Variants in CRIM1 observed in about 807,000 individuals in gnomAD.
CRIM1 encodes the protein cysteine-rich motor neuron 1 protein.
A neutral mutation model predicts 116.4 loss-of-function variants in CRIM1; 32 were observed. The ratio of observed to expected loss-of-function variants is 0.27; its 90% CI spans 0.21 to 0.37. CRIM1 has a LOEUF of 0.37. CRIM1 is among the 10% of genes least tolerant of loss of function. The pLI is 1.00. For synonymous variants in CRIM1, 590 were observed against 509.2 expected (o/e 1.16, Z -2.13); for missense variants, 1,331 against 1,354.8 (o/e 0.98, Z 0.28).
rs56084308 is a variant in CRIM1, at chr2:36,474,847, C to CAAAAAAA, written c.992-2029_992-2023dup. ...TGGGTGACAGAGTGAGACTCTATAT[C>CAAAAAAA]AAAAAAAAAAAAAAAAAAAGACTTT... On this transcript the variant is annotated intron_variant, in intron 5 of 16. Transcript: ENST00000280527. 4.8e-4 allele frequency among the ~76,000 whole-genome samples: 44 copies of CAAAAAAA among 90,726 alleles called. 2 individuals carry two copies. The highest frequency in any genetic ancestry group is 1.8e-3 in the African/African-American group (40 of 22,622). 59.5% of individuals were successfully genotyped at this position (90,726 alleles called of 152,430 possible).
Position 36,426,340 on chromosome 2 carries a change from C to A in CRIM1, c.506-14918C>A, listed in dbSNP as rs1012399090. Among the ~76,000 whole-genome samples the A allele has an allele frequency of 1.1e-4, 17 of 152,064 alleles. 1 individual carries two copies. The highest frequency in any genetic ancestry group is 6.6e-5 in the Admixed American group (1 of 15,266). On this transcript the variant is annotated intron_variant, in intron 2 of 16. Transcript: ENST00000280527. ...TTGACTGAATTGCCTTTTTGAGTTA[C>A]AATCATTAATCTTGAAGGTCATTTG...
At position 36,416,405 on chromosome 2, in the gene CRIM1, A is replaced by C. The variant is rs145958437; in HGVS notation, c.505+19618A>C. Among the ~76,000 whole-genome samples, 437 of 152,318 alleles carry C rather than the reference A, an allele frequency of 2.9e-3. 1 individual carries two copies. Among genetic ancestry groups the C allele is most frequent in the African/African-American group, 0.01 (417 of 41,582 alleles). Reference sequence around the variant, plus strand: ...TTGTGAGGAGAGAGGTAGCATGTGAAGTTAAGACTAGAATGACCGGTTCCT... The same window carrying C: ...TTGTGAGGAGAGAGGTAGCATGTGACGTTAAGACTAGAATGACCGGTTCCT... On this transcript the variant is annotated intron_variant, in intron 2 of 16. Coordinates refer to ENST00000280527, the MANE Select transcript of CRIM1 (RefSeq NM_016441.3).
chr2:36,386,938 C>G (rs1671211051), intron 1 of CRIM1, among the ~76,000 whole-genome samples: 1 of 152,162 alleles, frequency 6.6e-6, no homozygotes, highest in Non-Finnish European at 1.5e-5. Context: ...ATGGGACATT[C>G]AGGCAATTCA....
At chr2:36,430,811 G>C (rs1270811718) in intron 2 of CRIM1, among the ~76,000 whole-genome samples, 1 of 152,236 alleles carries the variant, frequency 6.6e-6, no homozygotes, top group East Asian at 1.9e-4. Context: ...CTAAACACTG[G>C]GAGATCTTTG....
In CRIM1 at chr2:36,461,778, C is replaced by A. The variant is rs848535; in HGVS notation, c.870-2756C>A. Among the ~76,000 whole-genome samples, 595 of 152,246 alleles carry A rather than the reference C, an allele frequency of 3.9e-3. 19 individuals carry two copies. In the East Asian group the frequency reaches 0.088, roughly 22 times the overall value. ...TAAACATACCTGTTAAAAGATAACT[C>A]ATGTGAGTTGTATTATGTTGAAAAT... is the stretch of plus-strand genomic sequence containing the variant. On this transcript the variant is annotated intron_variant, in intron 4 of 16. Coordinates refer to ENST00000280527, the MANE Select transcript of CRIM1 (RefSeq NM_016441.3).
intron 1 of CRIM1, among the ~76,000 whole-genome samples, chr2:36,364,903 T>A (rs1476529464): frequency 1.3e-5 from 2 of 152,200 alleles, no homozygotes; most frequent in Non-Finnish European, 2.9e-5. Context: ...TTTAAAATAA[T>A]ATTAATTTTA....
At chr2:36,440,511 C>A (rs762644267) in intron 2 of CRIM1, among the ~76,000 whole-genome samples, 7 of 152,164 alleles carry the variant, frequency 4.6e-5, no homozygotes, top group Non-Finnish European at 8.8e-5. Flanking sequence ...TTTCAGAAGC[C>A]AGGGCTTTGC....
intron 4 of CRIM1, among the ~76,000 whole-genome samples, chr2:36,463,556 T>G (rs1445043757): frequency 6.6e-6 from 1 of 152,062 alleles, no homozygotes; most frequent in Non-Finnish European, 1.5e-5. Context: ...CCCATACATC[T>G]CTCCCCAGGG....
chr2:36,475,047 G>T (rs1480565425), intron 5 of CRIM1, among the ~76,000 whole-genome samples: 1 of 151,978 alleles, frequency 6.6e-6, no homozygotes, highest in Non-Finnish European at 1.5e-5. Context: ...CTCTAACTTT[G>T]TTCTCCCTTT....
At chr2:36,476,790 C>T in intron 5 of CRIM1, 99 bp from the exon 6 acceptor site, 1 of 904,624 alleles carries the variant, frequency 1.1e-6, no homozygotes, top group Non-Finnish European at 1.7e-6. Context: ...CAACTTATAA[C>T]CTCCTATTAG....
chr2:36,492,779 G>A (rs1484626992), intron 7 of CRIM1, among the ~76,000 whole-genome samples: 3 of 152,108 alleles, frequency 2.0e-5, no homozygotes, highest in African/African-American at 7.2e-5. Flanking sequence ...TCAAGTCAGT[G>A]ACATTTTGGA....
chr2:36,431,750 GC>G (rs1026854984), intron 2 of CRIM1, among the ~76,000 whole-genome samples: 20 of 152,298 alleles, frequency 1.3e-4, no homozygotes, highest in African/African-American at 4.6e-4. Context: ...CATAGGAAGG[GC>G]TCTCAGAACA....
At chr2:36,396,848 A>G (rs1672065065) in intron 2 of CRIM1, 61 bp downstream of exon 2, 5 of 1,374,934 alleles carry the variant, frequency 3.6e-6, no homozygotes, top group African/African-American at 1.4e-5. Flanking sequence ...AACCCTGAGT[A>G]GTAATAGTAT....
At chr2:36,485,305 T>C (rs1005159365) in intron 7 of CRIM1, among the ~76,000 whole-genome samples, 4 of 152,214 alleles carry the variant, frequency 2.6e-5, no homozygotes, top group African/African-American at 7.2e-5. Context: ...TGTTGAAGAC[T>C]GGATGTCAGG....
intron 4 of CRIM1, among the ~76,000 whole-genome samples, chr2:36,450,734 A>G (rs1389648169): frequency 6.6e-6 from 1 of 152,222 alleles, no homozygotes; most frequent in Admixed American, 6.5e-5. Context: ...ACAGCCCATG[A>G]CCAGAGCGAA....
At chr2:36,368,840 A>C (rs1039636932) in intron 1 of CRIM1, among the ~76,000 whole-genome samples, 3 of 151,994 alleles carry the variant, frequency 2.0e-5, no homozygotes, top group Non-Finnish European at 4.4e-5. Context: ...GCTCCAGAAA[A>C]TTTTTTTTCA....
At chr2:36,445,617 C>T (rs183484455) in intron 4 of CRIM1, among the ~76,000 whole-genome samples, 11 of 152,272 alleles carry the variant, frequency 7.2e-5, no homozygotes, top group Non-Finnish European at 5.9e-5. Flanking sequence ...CCTCTGTATG[C>T]ATTAGTGCTG....
At chr2:36,381,179 T>C (rs964635604) in intron 1 of CRIM1, among the ~76,000 whole-genome samples, 1 of 152,132 alleles carries the variant, frequency 6.6e-6, no homozygotes, top group Admixed American at 6.5e-5. Flanking sequence ...AATGTGGCAC[T>C]CTGACCCCTG....
intron 4 of CRIM1, among the ~76,000 whole-genome samples, chr2:36,461,922 T>A (rs991365508): frequency 6.6e-6 from 1 of 152,196 alleles, no homozygotes; most frequent in Non-Finnish European, 1.5e-5. Context: ...CCTTTTGTGG[T>A]TCTTTCATCA....
Sources: allele counts gnomAD v4.1 joint callset (sites outside exome capture counted in the v4.1 genomes callset), GRCh38; gene constraint gnomAD v4.1.1; transcripts MANE v1.5; gene names NCBI Gene and HGNC (gene_info 2026-07-23, HGNC 2026-07-21).